Variants in HEATR5B observed in about 807,000 individuals in gnomAD.
The protein encoded by HEATR5B is HEAT repeat containing 5B.
HEATR5B carries 156 observed loss-of-function variants against 224.1 expected under a neutral mutation model. The observed-to-expected ratio is 0.70, with a 90% CI of 0.61 to 0.80. The LOEUF is 0.80. Among genes scored for constraint, HEATR5B ranks in the 30% least tolerant of loss-of-function variants. The pLI is 0.00. For missense variants in HEATR5B, 2,323 were observed against 2,535.5 expected (o/e 0.92, Z 1.80); for synonymous variants, 1,027 against 893.0 (o/e 1.15, Z -2.68).
intron 20 of HEATR5B, among the ~76,000 whole-genome samples, chr2:37,039,431 A>C (rs1376511749): frequency 6.6e-6 from 1 of 152,040 alleles, no homozygotes; most frequent in Non-Finnish European, 1.5e-5. Flanking sequence ...ACACCACTGC[A>C]CTCCAGCCTG....
At chr2:37,014,661 C>T (rs1452034928) in intron 26 of HEATR5B, among the ~76,000 whole-genome samples, 2 of 150,864 alleles carry the variant, frequency 1.3e-5, no homozygotes, top group Non-Finnish European at 2.9e-5. Flanking sequence ...GTTATGCTTG[C>T]TGCTATAAAG....
chr2:37,072,202 G>T lies in HEATR5B; in HGVS notation c.677C>A (p.Ala226Asp). ...LENIATLCFK[A>D]LENSNYGVRV... Reference sequence around the variant, plus strand: ...TACCCCATAATTTGAGTTTTCCAAAGCCTTAAAGCAGAGAGTGGCTATATT... The same window carrying T: ...TACCCCATAATTTGAGTTTTCCAAATCCTTAAAGCAGAGAGTGGCTATATT... The change falls in exon 6 of 36, where the codon GCT becomes GAT. Residue 226 changes from alanine (A) to aspartate (D), a missense_variant. Coordinates refer to ENST00000233099, the MANE Select transcript of HEATR5B (RefSeq NM_019024.3). The T allele has an allele frequency of 6.2e-7, 1 of 1,613,710 alleles. No homozygotes were observed.
intron 21 of HEATR5B, among the ~76,000 whole-genome samples, 172 bp from the exon 22 acceptor site, chr2:37,032,945 A>G (rs1039324849): frequency 8.7e-5 from 13 of 150,076 alleles, no homozygotes; most frequent in African/African-American, 3.2e-4. Context: ...CAGTGGCGTG[A>G]TCTCAGCTCA....
intron 27 of HEATR5B, among the ~76,000 whole-genome samples, chr2:37,011,315 T>C (rs1667771939): frequency 4.6e-5 from 7 of 152,184 alleles, no homozygotes; most frequent in Admixed American, 4.6e-4. Flanking sequence ...AACTGCATGG[T>C]AATCTAAGTA....
At chr2:37,012,027 A>C (rs1354234850) in intron 27 of HEATR5B, among the ~76,000 whole-genome samples, 1 of 152,202 alleles carries the variant, frequency 6.6e-6, no homozygotes, top group Non-Finnish European at 1.5e-5. Flanking sequence ...ACCTATTTTA[A>C]AATAAATTTT....
Position 37,040,318 on chromosome 2 carries a change from G to C in HEATR5B, c.3046+11C>G. On this transcript the variant is annotated intron_variant, in intron 20 of 35. Transcript: ENST00000233099. ...CTAACTAGGTTCCTTAATTTCAGAT[G>C]ATTTACTTACCTTGTAGTTCAGGGC... 6.2e-7 allele frequency: 1 copy of C among 1,600,486 alleles called. No individual in the cohort carries two copies. The highest frequency in any genetic ancestry group is 8.5e-7 in the Non-Finnish European group (1 of 1,171,948).
chr2:37,055,320 T>TC (rs1233233668), intron 16 of HEATR5B, among the ~76,000 whole-genome samples: 137 of 152,204 alleles, frequency 9.0e-4, no homozygotes, highest in African/African-American at 3.2e-3. Flanking sequence ...ATTTATTTAT[T>TC]TATACTTCAT....
rs1313791935 is a variant in HEATR5B, at chr2:37,005,770, C to T, written c.4778-11G>A. Reference sequence around the variant, plus strand: ...ACTGTATACTCACACCTGAAATGCACAAAATAAAAACATGTTTTTTCACTT... The same window carrying T: ...ACTGTATACTCACACCTGAAATGCATAAAATAAAAACATGTTTTTTCACTT... On this transcript the variant is annotated splice_polypyrimidine_tract_variant and intron_variant, in intron 29 of 35. Coordinates refer to ENST00000233099, the MANE Select transcript of HEATR5B (RefSeq NM_019024.3). 1.3e-6 allele frequency: 2 copies of T among 1,555,268 alleles called. No individual in the cohort carries two copies. Among genetic ancestry groups the T allele is most frequent in the South Asian group, 1.2e-5 (1 of 83,046 alleles).
chr2:37,008,665 C>G lies in HEATR5B; in HGVS notation c.4468G>C (p.Asp1490His), dbSNP rs1558724244. The change falls in exon 28 of 36, where the codon GAT (aspartate) becomes CAT (histidine). Residue 1490 changes from aspartate (D) to histidine (H), a missense_variant. Asp to His is a moderately conservative substitution (Grantham distance 81). Around this residue, in one of 12 missense-constraint regions of HEATR5B, gnomAD observed 844 missense variants for 812.9 expected, o/e 1.04. Transcript: ENST00000233099. ...LSRLWLAALK[D>H]YALLTLPAEF... ...GCTGGTAAAGTCAAGAGTGCATAAT[C>G]TTTTAATGCTGCTAACCACAGGCGA... The G allele has an allele frequency of 1.2e-6, 2 of 1,614,162 alleles. No homozygotes were observed. Among genetic ancestry groups the G allele is most frequent in the Non-Finnish European group, 8.5e-7 (1 of 1,180,022 alleles).
intron 12 of HEATR5B, among the ~76,000 whole-genome samples, chr2:37,059,312 A>AAATG (rs2148553994): frequency 6.7e-6 from 1 of 149,590 alleles, no homozygotes; most frequent in East Asian, 1.9e-4. Context: ...TTATACACAT[A>AAATG]TACATTTATG....
chr2:37,012,483 C>T (rs1011162722), intron 27 of HEATR5B, among the ~76,000 whole-genome samples: 1 of 152,054 alleles, frequency 6.6e-6, no homozygotes, highest in Non-Finnish European at 1.5e-5. Context: ...CTCTGCCTCC[C>T]GGGTTCAAGT....
intron 24 of HEATR5B, among the ~76,000 whole-genome samples, chr2:37,023,923 A>G (rs1309200457): frequency 2.0e-5 from 3 of 152,198 alleles, no homozygotes; most frequent in Non-Finnish European, 4.4e-5. Flanking sequence ...CAGTAAAAGC[A>G]AGGTTTTGAA....
Position 37,076,383 on chromosome 2 carries a change from G to C in HEATR5B, c.447+528C>G, listed in dbSNP as rs540982458. 2.0e-5 allele frequency among the ~76,000 whole-genome samples: 3 copies of C among 152,284 alleles called. No individual in the cohort carries two copies. In the South Asian group the frequency reaches 6.2e-4, roughly 32 times the overall value. On this transcript the variant is annotated intron_variant, in intron 4 of 35. Transcript: ENST00000233099. Reference sequence around the variant, plus strand: ...CAAAACACAAAGGGACAGGAAAAAGGTGATGTGACAAAGGAGACAGAGATG... The same window carrying C: ...CAAAACACAAAGGGACAGGAAAAAGCTGATGTGACAAAGGAGACAGAGATG...
chr2:37,043,249 T>C (rs889044485), intron 18 of HEATR5B, among the ~76,000 whole-genome samples: 1 of 152,320 alleles, frequency 6.6e-6, no homozygotes, highest in Middle Eastern at 3.4e-3. Context: ...AACATGGCTT[T>C]AACAGTATGA....
chr2:37,036,319 GT>G (rs898566633), intron 21 of HEATR5B, among the ~76,000 whole-genome samples: 1 of 152,048 alleles, frequency 6.6e-6, no homozygotes, highest in African/African-American at 2.4e-5. Context: ...TTTCCTCTAG[GT>G]CCCACCTCTC....
At chr2:36,987,593 T>C (rs1470822798) in intron 35 of HEATR5B, among the ~76,000 whole-genome samples, 3 of 152,114 alleles carry the variant, frequency 2.0e-5, no homozygotes, top group Non-Finnish European at 4.4e-5. Flanking sequence ...AAAGAAAATA[T>C]ATTAAACTGC....
At chr2:37,076,828 A>G in intron 4 of HEATR5B, 83 bp downstream of exon 4, 2 of 1,034,920 alleles carry the variant, frequency 1.9e-6, no homozygotes, top group Non-Finnish European at 3.0e-6. Context: ...CCACAGTGAC[A>G]GAAAAAGAAA....
chr2:37,002,229 A>G, intron 32 of HEATR5B, 77 bp downstream of exon 32: 2 of 1,493,940 alleles, frequency 1.3e-6, no homozygotes, highest in Non-Finnish European at 1.9e-6. Flanking sequence ...GGGTTATAAC[A>G]GTGCTTAAAA....
At chr2:37,078,198 T>C (rs1572951180) in intron 3 of HEATR5B, among the ~76,000 whole-genome samples, 1 of 152,346 alleles carries the variant, frequency 6.6e-6, no homozygotes, top group South Asian at 2.1e-4. Flanking sequence ...CTATGTGATC[T>C]GAGCAATTTA....
Sources: gnomAD v4.1 joint callset for allele counts (sites outside exome capture counted in the v4.1 genomes callset) on GRCh38, gnomAD v4.1.1 for gene constraint, gnomAD v4.1.1 regional missense constraint, MANE v1.5 for transcripts, NCBI Gene and HGNC (gene_info 2026-07-23, HGNC 2026-07-21) for gene names.